The following TEN1 variants were observed in gnomAD, a reference collection of about 807,000 sequenced individuals.
The protein encoded by TEN1 is TEN1 subunit of CST complex.
In TEN1, 6 loss-of-function variants were observed where a neutral mutation model predicts 9.3. That is an observed-to-expected ratio of 0.65 (90% CI 0.35 to 1.27). TEN1 has a LOEUF of 1.27. Ranked by LOEUF, TEN1 falls within the 50% of genes most tolerant of loss-of-function variation. The pLI, the probability that TEN1 is intolerant of heterozygous loss-of-function variation, is 0.03. For missense variants in TEN1, 149 were observed against 158.2 expected (o/e 0.94, Z 0.31); for synonymous variants, 65 against 65.6 (o/e 0.99, Z 0.04).
chr17:75,991,774 T>C (rs2066187277), intron 3 of TEN1, among the ~76,000 whole-genome samples, 151 bp downstream of exon 3: 1 of 152,182 alleles, frequency 6.6e-6, no homozygotes, highest in African/African-American at 2.4e-5. Flanking sequence ...TTCAACACTC[T>C]TGAGGATTCA....
chr17:75,979,252 G>C lies in TEN1; in HGVS notation c.-266G>C. 1 of 829,228 alleles carries C rather than the reference G, an allele frequency of 1.2e-6. No homozygotes were observed. The highest frequency in any genetic ancestry group is 1.6e-5 in the South Asian group (1 of 63,942). 51.4% of individuals were successfully genotyped at this position (829,228 alleles called of 1,614,324 possible). A position where few individuals can be genotyped will look rare whatever the true frequency, so the allele number is the denominator to read the frequency against. On this transcript the variant is annotated 5_prime_UTR_variant, in exon 1 of 4. Transcript: ENST00000397640. ...CTTTCTCCGTGGCCCTTTGGCGCGT[G>C]AGTGACAGCGGCCCAGACAGAGGGG... is the stretch of plus-strand genomic sequence containing the variant.
intron 3 of TEN1, 57 bp downstream of exon 3, chr17:75,991,680 T>TA (rs2066186857): frequency 1.3e-6 from 2 of 1,521,674 alleles, no homozygotes; most frequent in Non-Finnish European, 1.8e-6. Context: ...GGGGCAGTCT[T>TA]CGGGGCAGTC....
At position 75,991,466 on chromosome 17, in the gene TEN1, G is replaced by T. The variant is rs1024497329; in HGVS notation, c.93G>T (p.Arg31Ser). Residue 31 changes from arginine (R) to serine (S), a missense_variant and splice_region_variant, in exon 3 of 4, where the codon AGG becomes AGT. Transcript: ENST00000397640. ...TTATTGCATTTCTTCTGCCTTCCAG[G>T]TTGTGCCTCTATGACATGATTCAGT... ...PDGSTLRTFG[R>S]LCLYDMIQSR... 9 of 1,552,070 alleles carry T rather than the reference G, an allele frequency of 5.8e-6. No homozygotes were observed. The highest frequency in any genetic ancestry group is 7.8e-6 in the Non-Finnish European group (9 of 1,147,080).
chr17:75,996,946 C>G (rs2144363597), intron 3 of TEN1, among the ~76,000 whole-genome samples: 1 of 152,180 alleles, frequency 6.6e-6, no homozygotes, highest in East Asian at 1.9e-4. Context: ...CATCACACAT[C>G]CCTCCCTGTC....
intron 3 of TEN1, among the ~76,000 whole-genome samples, chr17:75,997,493 T>TACCATCAGACACTGAAACGGCCACCG (rs1483391159): frequency 2.0e-5 from 3 of 152,212 alleles, no homozygotes; most frequent in East Asian, 3.9e-4. Context: ...TTCTTCCTCC[T>TACCATCAGACACTGAAACGGCCACCG]ACCATCAGAC....
rs2066245778 is a variant in TEN1, at chr17:76,000,181, G to A, written c.291G>A (p.Val97=). Residue 97 remains valine (V), a synonymous_variant, in exon 4 of 4, where the codon GTG becomes GTA. Coordinates refer to ENST00000397640, the MANE Select transcript of TEN1 (RefSeq NM_001113324.3). The surrounding 1 kb of genome is among the most constrained non-coding windows in gnomAD (Gnocchi z 5.9). ...SVVKARVLTC[V]EGMNLPLLEQ... ...TGAAGGCGCGCGTGCTGACCTGTGTGGAGGGGATGAACCTGCCCTTGTTGG... is the reference window on the plus strand; with the variant it reads ...TGAAGGCGCGCGTGCTGACCTGTGTAGAGGGGATGAACCTGCCCTTGTTGG... 1 of 1,551,460 alleles carries A rather than the reference G, an allele frequency of 6.4e-7. No individual in the cohort carries two copies. The highest frequency in any genetic ancestry group is 1.4e-5 in the African/African-American group (1 of 73,044).
chr17:76,000,020 C>A lies in TEN1; in HGVS notation c.251-121C>A. 1 of 1,436,758 alleles carries A rather than the reference C, an allele frequency of 7.0e-7. No homozygotes were observed. Among genetic ancestry groups the A allele is most frequent in the Non-Finnish European group, 9.3e-7 (1 of 1,078,586 alleles). 89.0% of individuals were successfully genotyped at this position (1,436,758 alleles called of 1,614,324 possible). A position where few individuals can be genotyped will look rare whatever the true frequency, so the allele number is the denominator to read the frequency against. ...CCTTTGCCCCATATGCTGTTATTGTCCACATCACTTGCTGCCAAAACCCAG... is the reference window on the plus strand; with the variant it reads ...CCTTTGCCCCATATGCTGTTATTGTACACATCACTTGCTGCCAAAACCCAG... On this transcript the variant is annotated intron_variant, in intron 3 of 3. Transcript: ENST00000397640. The surrounding 1 kb of genome is among the most constrained non-coding windows in gnomAD (Gnocchi z 5.9).
chr17:75,993,348 C>CTGT (rs2066198714), intron 3 of TEN1, among the ~76,000 whole-genome samples: 1 of 151,938 alleles, frequency 6.6e-6, no homozygotes, highest in African/African-American at 2.4e-5. Context: ...TGTGATCTGC[C>CTGT]CGCCTCGGCC....
chr17:75,991,379 T>C, intron 2 of TEN1, 87 bp from the exon 3 acceptor site: 4 of 1,393,956 alleles, frequency 2.9e-6, no homozygotes, highest in Non-Finnish European at 3.9e-6. Flanking sequence ...AACACTTTTC[T>C]ATAGATTTCT....
At chr17:75,987,413 A>G (rs755597527) in intron 2 of TEN1, among the ~76,000 whole-genome samples, 31 of 152,240 alleles carry the variant, frequency 2.0e-4, no homozygotes, top group Non-Finnish European at 3.7e-4. Flanking sequence ...AGTTTCTGCC[A>G]GAAGCAGTGA....
intron 2 of TEN1, among the ~76,000 whole-genome samples, chr17:75,989,228 T>C (rs959790528): frequency 2.6e-5 from 4 of 151,182 alleles, no homozygotes; most frequent in African/African-American, 9.7e-5. Context: ...GCCTCCCAAG[T>C]AGCTGGGACT....
intron 3 of TEN1, among the ~76,000 whole-genome samples, chr17:75,997,262 A>C (rs1175541667): frequency 6.6e-6 from 1 of 152,138 alleles, no homozygotes; most frequent in East Asian, 1.9e-4. Context: ...GAAAGATCAC[A>C]GAACTCCAAG....
chr17:75,993,021 C>T (rs950878422), intron 3 of TEN1, among the ~76,000 whole-genome samples: 21 of 149,978 alleles, frequency 1.4e-4, no homozygotes, highest in African/African-American at 4.4e-4. Context: ...AGTGCAGTGG[C>T]GCGATCTTGG....
chr17:75,987,166 G>T (rs1252435628), intron 2 of TEN1, among the ~76,000 whole-genome samples: 1 of 145,522 alleles, frequency 6.9e-6, no homozygotes, highest in Admixed American at 6.6e-5. Context: ...GTTACTGTGG[G>T]TCAGGAATTT....
In TEN1 at chr17:76,000,216, T is replaced by A; in HGVS notation, c.326T>A (p.Ile109Asn). 6.4e-7 allele frequency: 1 copy of A among 1,551,336 alleles called. No individual in the cohort carries two copies. The highest frequency in any genetic ancestry group is 8.7e-7 in the Non-Finnish European group (1 of 1,146,950). Residue 109 changes from isoleucine (I) to asparagine (N), a missense_variant, in exon 4 of 4, where the codon ATC (isoleucine) becomes AAC (asparagine). Transcript: ENST00000397640. The surrounding 1 kb of genome is among the most constrained non-coding windows in gnomAD (Gnocchi z 5.9). ...AACCTGCCCTTGTTGGAACAAGCCA[T>A]CCGGGAGCAGAGACTGTACAAGCAG... is the stretch of plus-strand genomic sequence containing the variant. ...GMNLPLLEQA[I>N]REQRLYKQER...
chr17:75,986,012 T>C, intron 1 of TEN1, 175 bp from the exon 2 acceptor site: 1 of 451,222 alleles, frequency 2.2e-6, no homozygotes. Flanking sequence ...TTACATTAGG[T>C]ATATCTCCTA....
intron 3 of TEN1, among the ~76,000 whole-genome samples, chr17:75,998,198 C>T (rs1598217872): frequency 6.9e-6 from 1 of 144,246 alleles, no homozygotes; most frequent in East Asian, 2.0e-4. Flanking sequence ...GACAGAGTCT[C>T]ATTCTGTTTC....
chr17:75,980,983 G>T (rs1257694124), intron 1 of TEN1, among the ~76,000 whole-genome samples: 1 of 152,158 alleles, frequency 6.6e-6, no homozygotes, highest in Non-Finnish European at 1.5e-5. Flanking sequence ...TGAACAAATG[G>T]CTGCTTGACA....
intron 3 of TEN1, among the ~76,000 whole-genome samples, chr17:75,993,381 G>A (rs987496751): frequency 6.6e-6 from 1 of 152,114 alleles, no homozygotes; most frequent in Non-Finnish European, 1.5e-5. Flanking sequence ...GGGATTACAA[G>A]CGTGAGCTAC....
Sources: allele counts gnomAD v4.1 joint callset (sites outside exome capture counted in the v4.1 genomes callset), GRCh38; gene constraint gnomAD v4.1.1; non-coding constraint Gnocchi (gnomAD v3.1); transcripts MANE v1.5; gene names NCBI Gene and HGNC (gene_info 2026-07-23, HGNC 2026-07-21).